The following PRDM15 variants were observed in gnomAD, a reference collection of about 807,000 sequenced individuals.
The protein encoded by PRDM15 is PR domain zinc finger protein 15.
A neutral mutation model predicts 128.6 loss-of-function variants in PRDM15; 64 were observed. That is an observed-to-expected ratio of 0.50 (90% CI 0.41 to 0.61). The LOEUF (loss-of-function observed/expected upper bound fraction) is 0.61. Ranked by LOEUF, PRDM15 falls within the 20% of genes least tolerant of loss-of-function variation. The pLI, the probability that PRDM15 is intolerant of heterozygous loss-of-function variation, is 0.00. For synonymous variants in PRDM15, 615 were observed against 621.8 expected (o/e 0.99, Z 0.16); for missense variants, 1,242 against 1,569.1 (o/e 0.79, Z 3.52).
intron 11 of PRDM15, chr21:41,834,675 T>C: frequency 1.3e-6 from 1 of 763,910 alleles, no homozygotes; most frequent in Non-Finnish European, 2.2e-6. Context: ...GGGGAAGGTG[T>C]GACTCCCACA....
intron 23 of PRDM15, among the ~76,000 whole-genome samples, chr21:41,802,018 C>T (rs1023252990): frequency 5.3e-5 from 8 of 152,158 alleles, no homozygotes; most frequent in African/African-American, 1.7e-4. Context: ...CTTTTCTATC[C>T]ATTCCTCTGA....
chr21:41,873,382 A>G (rs553078147), intron 1 of PRDM15, among the ~76,000 whole-genome samples: 2 of 152,336 alleles, frequency 1.3e-5, no homozygotes, highest in South Asian at 4.1e-4. Flanking sequence ...GCCACTGGTC[A>G]CTTTCACTCC....
rs1210863402 is a variant in PRDM15, at chr21:41,828,132, T to TC, written c.1534+33dup. The TC allele has an allele frequency of 7.5e-6, 12 of 1,608,096 alleles. No individual in the cohort carries two copies. The highest frequency in any genetic ancestry group is 1.3e-5 in the African/African-American group (1 of 74,792). On this transcript the variant is annotated intron_variant, in intron 12 of 23. Coordinates refer to ENST00000398548, the MANE Select transcript of PRDM15 (RefSeq NM_001040424.3). The surrounding 1 kb of genome is among the most constrained non-coding windows in gnomAD (Gnocchi z 5.7). The stretch of plus-strand genomic sequence containing the variant: ...TGCCCCACCCCGCAGGAGCTGCCTC[T>TC]CCCCGCCCGCAGCAGGTGCGCAGGC...
Position 41,862,124 on chromosome 21 carries a change from G to C in PRDM15, c.-9-1752C>G. On this transcript the variant is annotated intron_variant, in intron 1 of 23. Coordinates refer to ENST00000398548, the MANE Select transcript of PRDM15 (RefSeq NM_001040424.3). This position sits in a 1 kb window ranked among gnomAD's most constrained non-coding sequence, Gnocchi z 4.1. ...AAGAAACCCAGAGTGGGGTGGGGAGGGCGCACGCTTTCATGAGTTGCTGCT... is the reference window on the plus strand; with the variant it reads ...AAGAAACCCAGAGTGGGGTGGGGAGCGCGCACGCTTTCATGAGTTGCTGCT... 1.4e-6 allele frequency: 1 copy of C among 740,478 alleles called. No individual in the cohort carries two copies. The highest frequency in any genetic ancestry group is 2.4e-6 in the Non-Finnish European group (1 of 424,718). 45.9% of individuals were successfully genotyped at this position (740,478 alleles called of 1,614,324 possible). A position where few individuals can be genotyped will look rare whatever the true frequency, so the allele number is the denominator to read the frequency against.
intron 8 of PRDM15, among the ~76,000 whole-genome samples, chr21:41,837,207 C>T (rs2062923782): frequency 6.6e-6 from 1 of 152,080 alleles, no homozygotes; most frequent in African/African-American, 2.4e-5. Context: ...TAAAAATGAC[C>T]CAAGAATCGT....
In PRDM15 at chr21:41,828,298, AT is replaced by A; in HGVS notation, c.1401del (p.Arg467SerfsTer50). 1 of 1,613,994 alleles carries A rather than the reference AT, an allele frequency of 6.2e-7. No individual in the cohort carries two copies. Among genetic ancestry groups the A allele is most frequent in the East Asian group, 2.2e-5 (1 of 44,858 alleles). ...GAGAGGTTGCTGTTGGTGGAGAAGA[AT>A]CTGAAACACATCTCACATTGGAACG... The part of the protein sequence containing the change: ...DKTFQCEMCF[R>X]FFSTNSNLSK... On this transcript the variant is annotated frameshift_variant, in exon 12 of 24. Coordinates refer to ENST00000398548, the MANE Select transcript of PRDM15 (RefSeq NM_001040424.3). LOFTEE classifies it high-confidence loss of function. This position sits in a 1 kb window ranked among gnomAD's most constrained non-coding sequence, Gnocchi z 5.7.
At chr21:41,838,150 A>G (rs1236116695) in intron 7 of PRDM15, 87 bp from the exon 8 acceptor site, 1 of 1,424,786 alleles carries the variant, frequency 7.0e-7, no homozygotes, top group Non-Finnish European at 9.7e-7. Flanking sequence ...GCCCCATGGG[A>G]ACCACAGCCA....
In PRDM15 at chr21:41,801,693, C is replaced by A; in HGVS notation, c.2973G>T (p.Val991=). Residue 991 remains valine, a synonymous_variant, in exon 24 of 24, where the codon GTG becomes GTT. Coordinates refer to ENST00000398548, the MANE Select transcript of PRDM15 (RefSeq NM_001040424.3). ...AGCCGACTGAGCTCGATGGTGTGGT[C>A]ACATTTGGGTCACCCAGGGTCACCA... ...QVVVTLGDPN[V]TTPSSSVGLT... 6.2e-7 allele frequency: 1 copy of A among 1,613,868 alleles called. No individual in the cohort carries two copies. Among genetic ancestry groups the A allele is most frequent in the South Asian group, 1.1e-5 (1 of 91,044 alleles).
chr21:41,810,855 A>G lies in PRDM15; in HGVS notation c.2393-19T>C. ...TTAATCCCTGCAGAGAAAGGCGCAC[A>G]TAACTTCCTACGTTTAATGAGTGTT... On this transcript the variant is annotated intron_variant, in intron 19 of 23. Transcript: ENST00000398548. The surrounding 1 kb of genome is among the most constrained non-coding windows in gnomAD (Gnocchi z 6.4). 6.2e-7 allele frequency: 1 copy of G among 1,610,574 alleles called. No homozygotes were observed.
chr21:41,804,798 G>T (rs573193326), intron 21 of PRDM15, 184 bp from the exon 22 acceptor site: 40 of 513,604 alleles, frequency 7.8e-5, no homozygotes, highest in African/African-American at 7.3e-4. Flanking sequence ...GAAGCCCAGG[G>T]CTTATCCTCA....
chr21:41,823,034 A>C (rs2062335848), intron 14 of PRDM15, among the ~76,000 whole-genome samples: 2 of 151,872 alleles, frequency 1.3e-5, no homozygotes, highest in South Asian at 4.1e-4. Context: ...CGTCTCAAAA[A>C]AAAAAAAAAA....
intron 8 of PRDM15, among the ~76,000 whole-genome samples, chr21:41,837,157 G>A (rs1385736765): frequency 1.3e-5 from 2 of 152,054 alleles, no homozygotes. Flanking sequence ...ATCCGAAAAG[G>A]GCCAAAAAGA....
Position 41,815,817 on chromosome 21 carries a change from C to T in PRDM15, c.2280G>A (p.Ala760=), listed in dbSNP as rs779703701. ...ECGKGMKTKH[A]LRHHMKLHKG... is the part of the protein sequence containing the mutation. ...TGTGCAGCTTCATGTGGTGGCGCAG[C>T]GCGTGCTTGGTCTTCATGCCTTCAA... The change falls in exon 19 of 24, where the codon GCG becomes GCA. Residue 760 remains alanine (A), a synonymous_variant. Transcript: ENST00000398548. The T allele has an allele frequency of 1.4e-5, 22 of 1,613,846 alleles. No individual in the cohort carries two copies. The highest frequency in any genetic ancestry group is 4.4e-5 in the South Asian group (4 of 91,088).
intron 1 of PRDM15, among the ~76,000 whole-genome samples, chr21:41,873,663 T>C (rs2064295101): frequency 6.6e-6 from 1 of 152,192 alleles, no homozygotes; most frequent in Non-Finnish European, 1.5e-5. Flanking sequence ...CTGAACCTCT[T>C]AGTTTCATCA....
intron 11 of PRDM15, among the ~76,000 whole-genome samples, chr21:41,835,226 AAATC>A (rs2146562797): frequency 6.6e-6 from 1 of 152,356 alleles, no homozygotes; most frequent in African/African-American, 2.4e-5. Context: ...TGCAGGAAGA[AAATC>A]AATCCCTTTT....
chr21:41,837,930 T>C lies in PRDM15; in HGVS notation c.1001+4A>G, dbSNP rs2062949216. 6.2e-7 allele frequency: 1 copy of C among 1,614,114 alleles called. No individual in the cohort carries two copies. The highest frequency in any genetic ancestry group is 8.5e-7 in the Non-Finnish European group (1 of 1,179,994). On this transcript the variant is annotated splice_donor_region_variant and intron_variant, in intron 8 of 23. Transcript: ENST00000398548. ...GACGGCCCCAGGTGCCAGGCAGGAC[T>C]TACTTTGGAACCGAGCTGGTGTCAG...
Position 41,847,094 on chromosome 21 carries a change from G to A in PRDM15, c.636C>T (p.Leu212=), listed in dbSNP as rs76482637. The A allele has an allele frequency of 7.1e-6, 11 of 1,543,536 alleles. No individual in the cohort carries two copies. The highest frequency in any genetic ancestry group is 2.0e-5 in the Admixed American group (1 of 51,012). Residue 212 remains leucine, a synonymous_variant, in exon 6 of 24, where the codon CTC becomes CTT. Coordinates refer to ENST00000398548, the MANE Select transcript of PRDM15 (RefSeq NM_001040424.3). The part of the protein sequence containing the change: ...CSATFLELQL[L]NEHLLGHLEQ... ...CTCCCCACACGTCCTCCTTACCATT[G>A]AGGAGCTGCAGCTCCAGGAAGGTGG...
intron 1 of PRDM15, chr21:41,861,533 T>C: frequency 6.6e-7 from 1 of 1,512,372 alleles, no homozygotes; most frequent in Non-Finnish European, 9.0e-7. Flanking sequence ...ATTCCTCCTC[T>C]GCCCCCCCCC....
intron 8 of PRDM15, 37 bp from the exon 9 acceptor site, chr21:41,836,686 T>C (rs762160009): frequency 1.3e-6 from 2 of 1,552,122 alleles, no homozygotes; most frequent in East Asian, 2.3e-5. Context: ...AAAAGACAGG[T>C]GGGAAAAAAG....
Sources: gnomAD v4.1 joint callset for allele counts (sites outside exome capture counted in the v4.1 genomes callset) on GRCh38, gnomAD v4.1.1 for gene constraint, Gnocchi (gnomAD v3.1) non-coding constraint, MANE v1.5 for transcripts, NCBI Gene and HGNC (gene_info 2026-07-23, HGNC 2026-07-21) for gene names.